The following ARHGAP6 variants were observed in gnomAD, a reference collection of about 807,000 sequenced individuals.
The protein encoded by ARHGAP6 is Rho GTPase activating protein 6.
In ARHGAP6, 16 loss-of-function variants were observed where a neutral mutation model predicts 55.7. The observed-to-expected ratio is 0.29, with a 90% CI of 0.19 to 0.44. The LOEUF is 0.44. ARHGAP6 is among the 20% of genes least tolerant of loss of function. The pLI is 1.00. For synonymous variants in ARHGAP6, 382 were observed against 360.9 expected (o/e 1.06, Z -0.66); for missense variants, 698 against 808.9 (o/e 0.86, Z 1.66).
chrX:11,657,198 GT>G (rs908574612), intron 1 of ARHGAP6, among the ~76,000 whole-genome samples: 1 of 110,591 alleles, frequency 9.0e-6, no homozygotes, highest in Admixed American at 9.8e-5. Context: ...TCAATCAGGG[GT>G]TAACATGATT....
At chrX:11,634,039 A>ACTTATGGATTGAGTGGTTTAAGC in intron 1 of ARHGAP6, among the ~76,000 whole-genome samples, 1 of 108,880 alleles carries the variant, frequency 9.2e-6, no homozygotes, top group Non-Finnish European at 1.9e-5. Context: ...GTGTATATTT[A>ACTTATGGATTGAGTGGTTTAAGC]CTTATGGATT....
intron 1 of ARHGAP6, among the ~76,000 whole-genome samples, chrX:11,487,715 A>G (rs2050525326): frequency 8.9e-6 from 1 of 111,895 alleles, no homozygotes; most frequent in Non-Finnish European, 1.9e-5. Context: ...TTGAGCATCA[A>G]AATAAATGAA....
chrX:11,358,374 G>C (rs2147685514), intron 1 of ARHGAP6, among the ~76,000 whole-genome samples: 1 of 110,808 alleles, frequency 9.0e-6, no homozygotes, highest in East Asian at 2.8e-4. Flanking sequence ...ATTTCTCTTA[G>C]GTAGATAACC....
At position 11,639,376 on chromosome X, in the gene ARHGAP6, C is replaced by T. The variant is rs749213186; in HGVS notation, c.588+24865G>A. On this transcript the variant is annotated intron_variant, in intron 1 of 12. Coordinates refer to ENST00000337414, the MANE Select transcript of ARHGAP6 (RefSeq NM_013427.3). The stretch of plus-strand genomic sequence containing the variant: ...ATCCCTCCCCCAGCCCCCCACCACC[C>T]GACATGCCCCGGTATGTGATGTTCC... Among the ~76,000 whole-genome samples the T allele has an allele frequency of 3.8e-3, 415 of 109,433 alleles. 1 individual carries two copies. Among genetic ancestry groups the T allele is most frequent in the African/African-American group, 0.012 (365 of 30,067 alleles).
At chrX:11,257,645 T>A (rs192431144) in intron 1 of ARHGAP6, among the ~76,000 whole-genome samples, 33 of 112,120 alleles carry the variant, frequency 2.9e-4, no homozygotes, top group Admixed American at 7.6e-4. Context: ...TAAGCACAGA[T>A]GAGATGCTAA....
intron 1 of ARHGAP6, among the ~76,000 whole-genome samples, chrX:11,472,676 C>G (rs2050360014): frequency 9.0e-6 from 1 of 111,379 alleles, no homozygotes; most frequent in Non-Finnish European, 1.9e-5. Flanking sequence ...TTTGAGGTAG[C>G]CTGAATAGAA....
chrX:11,585,018 G>A (rs1273805795), intron 1 of ARHGAP6, among the ~76,000 whole-genome samples: 3 of 111,692 alleles, frequency 2.7e-5, no homozygotes, highest in South Asian at 3.7e-4. Context: ...ACTTGTAACT[G>A]AGAACATACA....
intron 1 of ARHGAP6, among the ~76,000 whole-genome samples, chrX:11,312,664 G>C (rs1024385786): frequency 9.0e-6 from 1 of 111,459 alleles, no homozygotes; most frequent in African/African-American, 3.3e-5. Flanking sequence ...TGCAGCACTC[G>C]CTTAATCAGT....
At chrX:11,416,303 C>T (rs1032330133) in intron 1 of ARHGAP6, among the ~76,000 whole-genome samples, 1 of 111,110 alleles carries the variant, frequency 9.0e-6, no homozygotes, top group Admixed American at 9.6e-5. Flanking sequence ...AATTAAATTG[C>T]ATTAAAAGCA....
chrX:11,214,707 C>T (rs1044890476), intron 2 of ARHGAP6, among the ~76,000 whole-genome samples: 4 of 113,332 alleles, frequency 3.5e-5, no homozygotes, highest in Admixed American at 9.2e-5. Flanking sequence ...GTGGCCCCAG[C>T]GGCCCACCAC....
chrX:11,620,309 A>G (rs777368960), intron 1 of ARHGAP6, among the ~76,000 whole-genome samples: 5 of 112,590 alleles, frequency 4.4e-5, no homozygotes, highest in African/African-American at 1.3e-4. Context: ...ACTTCCTTCT[A>G]TGACTTCTGG....
At chrX:11,515,392 A>G (rs1169282238) in intron 1 of ARHGAP6, among the ~76,000 whole-genome samples, 2 of 112,277 alleles carry the variant, frequency 1.8e-5, no homozygotes, top group East Asian at 2.8e-4. Context: ...CTCTGTGTCA[A>G]TCACAGTGTC....
chrX:11,150,477 AAAG>A (rs2045759776), intron 10 of ARHGAP6, among the ~76,000 whole-genome samples: 1 of 111,942 alleles, frequency 8.9e-6, no homozygotes, highest in African/African-American at 3.2e-5. Context: ...GAAAAATTGA[AAAG>A]AAGATACATT....
intron 1 of ARHGAP6, among the ~76,000 whole-genome samples, chrX:11,649,189 G>A (rs766175829): frequency 8.9e-6 from 1 of 111,785 alleles, no homozygotes; most frequent in East Asian, 2.8e-4. Context: ...AAACTAGTCA[G>A]TTGGAGAGAG....
chrX:11,458,554 G>T (rs1037346458), intron 1 of ARHGAP6, among the ~76,000 whole-genome samples: 1 of 112,489 alleles, frequency 8.9e-6, no homozygotes, highest in Non-Finnish European at 1.9e-5. Context: ...TGTGTATATT[G>T]TGACAAGCTA....
chrX:11,622,695 A>G (rs2052244078), intron 1 of ARHGAP6, among the ~76,000 whole-genome samples: 1 of 111,693 alleles, frequency 9.0e-6, no homozygotes, highest in African/African-American at 3.3e-5. Flanking sequence ...GTTAATCTAA[A>G]AGGTTATCAT....
chrX:11,355,110 A>G (rs895585169), intron 1 of ARHGAP6, among the ~76,000 whole-genome samples: 1 of 111,857 alleles, frequency 8.9e-6, no homozygotes, highest in Non-Finnish European at 1.9e-5. Context: ...TGAGCCAACA[A>G]TTGTCCGATA....
intron 10 of ARHGAP6, 106 bp from the exon 11 acceptor site, chrX:11,144,354 C>G (rs1258585425): frequency 1.9e-6 from 2 of 1,049,775 alleles, no homozygotes; most frequent in African/African-American, 3.7e-5. Flanking sequence ...TGCGTGGACA[C>G]GGGCTGAAAC....
rs773990564 is a variant in ARHGAP6 at position 11,655,798 on chromosome X, C to T, written c.588+8443G>A. On this transcript the variant is annotated intron_variant, in intron 1 of 12. Coordinates refer to ENST00000337414, the MANE Select transcript of ARHGAP6 (RefSeq NM_013427.3). ...CAGTAAATTTTAGAACAAGATGTCA[C>T]GCCCCAAAGGCAAGCCTCTGGGAAT... Among the ~76,000 whole-genome samples the T allele has an allele frequency of 3.6e-5, 4 of 112,542 alleles. No homozygotes were observed. In the East Asian group the frequency reaches 8.4e-4, roughly 24 times the overall value.
Sources: allele counts gnomAD v4.1 joint callset (sites outside exome capture counted in the v4.1 genomes callset), GRCh38; gene constraint gnomAD v4.1.1; transcripts MANE v1.5; gene names NCBI Gene and HGNC (gene_info 2026-07-23, HGNC 2026-07-21).